Variants in FOCAD observed in about 807,000 individuals in gnomAD.
FOCAD encodes KIAA1797.
Under a neutral mutation model 225.6 loss-of-function variants are expected in FOCAD, and 198 were observed. That is an observed-to-expected ratio of 0.88 (90% CI 0.78 to 0.99). FOCAD has a LOEUF of 0.99. Ranked by LOEUF, FOCAD falls within the 50% of genes least tolerant of loss-of-function variation. The probability of loss-of-function intolerance (pLI) is 0.00; values close to 1 mark genes in which losing one functional copy is unlikely to be tolerated. For synonymous variants in FOCAD, 897 were observed against 755.0 expected (o/e 1.19, Z -3.08); for missense variants, 2,713 against 2,123.6 (o/e 1.28, Z -5.46).
intron 35 of FOCAD, among the ~76,000 whole-genome samples, 184 bp downstream of exon 35, chr9:20,953,249 A>G (rs1045419417): frequency 6.6e-6 from 1 of 152,232 alleles, no homozygotes; most frequent in African/African-American, 2.4e-5. Flanking sequence ...TTGGTACGTA[A>G]ATATACACAT....
intron 15 of FOCAD, among the ~76,000 whole-genome samples, chr9:20,838,200 T>G (rs1331832727): frequency 6.6e-6 from 1 of 152,144 alleles, no homozygotes; most frequent in Non-Finnish European, 1.5e-5. Context: ...GAGGTCATTC[T>G]AAAGCCTTTT....
rs548755302 is a variant in FOCAD at position 20,819,980 on chromosome 9, T to C, written c.1560+80T>C. ...TGAATTCTTTTTGGTATTATGAAATTTTAAGCCCTAAATTTTGCCATAGTC... is the reference window on the plus strand; with the variant it reads ...TGAATTCTTTTTGGTATTATGAAATCTTAAGCCCTAAATTTTGCCATAGTC... On this transcript the variant is annotated intron_variant, in intron 12 of 43. Coordinates refer to ENST00000338382, the MANE Select transcript of FOCAD (RefSeq NM_001375567.1). The C allele has an allele frequency of 9.6e-5, 85 of 888,972 alleles. 1 individual carries two copies. In the African/African-American group the frequency reaches 1.4e-3, roughly 14 times the overall value. 55.1% of individuals were successfully genotyped at this position (888,972 alleles called of 1,614,324 possible). A position where few individuals can be genotyped will look rare whatever the true frequency, so the allele number is the denominator to read the frequency against.
chr9:20,946,228 C>T (rs535804630), intron 29 of FOCAD, among the ~76,000 whole-genome samples: 5 of 152,088 alleles, frequency 3.3e-5, no homozygotes, highest in Non-Finnish European at 5.9e-5. Context: ...AGTTATGCTC[C>T]ACTACTTCTC....
chr9:20,665,447 A>G (rs1821872487), intron 2 of FOCAD, among the ~76,000 whole-genome samples: 1 of 152,200 alleles, frequency 6.6e-6, no homozygotes, highest in Non-Finnish European at 1.5e-5. Flanking sequence ...TCATTCTATA[A>G]TAAAAAGATT....
intron 41 of FOCAD, 29 bp from the exon 42 acceptor site, chr9:20,990,094 A>ACC: frequency 6.2e-7 from 1 of 1,612,528 alleles, no homozygotes; most frequent in Non-Finnish European, 8.5e-7. Context: ...AAAAAATATG[A>ACC]CCTAACGTCA....
intron 10 of FOCAD, 152 bp downstream of exon 10, chr9:20,782,081 T>C: frequency 3.0e-6 from 2 of 663,990 alleles, no homozygotes. Context: ...CATATTCTTC[T>C]GGACTATAAG....
At chr9:20,990,982 C>T (rs1356440366) in intron 42 of FOCAD, among the ~76,000 whole-genome samples, 1 of 152,134 alleles carries the variant, frequency 6.6e-6, no homozygotes, top group Admixed American at 6.5e-5. Context: ...CCCTTGCCCT[C>T]AGGAAAACCT....
intron 5 of FOCAD, among the ~76,000 whole-genome samples, chr9:20,744,938 C>G (rs993159567): frequency 6.6e-6 from 1 of 152,130 alleles, no homozygotes; most frequent in Non-Finnish European, 1.5e-5. Flanking sequence ...GTACTATTTT[C>G]AAGAATTTCA....
intron 41 of FOCAD, among the ~76,000 whole-genome samples, chr9:20,989,033 G>T (rs1003832182): frequency 6.6e-6 from 1 of 152,184 alleles, no homozygotes; most frequent in African/African-American, 2.4e-5. Flanking sequence ...AAAAATAAAA[G>T]ATTAATAAGA....
At chr9:20,973,171 C>T (rs760197316) in intron 35 of FOCAD, among the ~76,000 whole-genome samples, 1 of 151,856 alleles carries the variant, frequency 6.6e-6, no homozygotes, top group Non-Finnish European at 1.5e-5. Flanking sequence ...CTCCTTTCTG[C>T]AGCTATTTAA....
intron 1 of FOCAD, among the ~76,000 whole-genome samples, chr9:20,699,933 A>C (rs1409557077): frequency 6.6e-6 from 1 of 150,616 alleles, no homozygotes; most frequent in Non-Finnish European, 1.5e-5. Context: ...GTACTCTGTC[A>C]ATTGGATGTC....
chr9:20,688,409 A>G (rs1822788793), intron 1 of FOCAD, among the ~76,000 whole-genome samples: 1 of 152,210 alleles, frequency 6.6e-6, no homozygotes, highest in Non-Finnish European at 1.5e-5. Flanking sequence ...TTGCCGAGAT[A>G]GGAATCACAT....
chr9:20,700,600 T>G (rs1357101686), intron 1 of FOCAD, among the ~76,000 whole-genome samples: 1 of 152,162 alleles, frequency 6.6e-6, no homozygotes, highest in Non-Finnish European at 1.5e-5. Flanking sequence ...CCTAAATGTG[T>G]TGGTTACTAA....
chr9:20,810,752 G>A (rs2131348889), intron 11 of FOCAD, among the ~76,000 whole-genome samples: 1 of 152,138 alleles, frequency 6.6e-6, no homozygotes, highest in African/African-American at 2.4e-5. Context: ...GATGGCTAAT[G>A]AGACTCACCT....
chr9:20,688,633 A>G (rs1476842259), intron 1 of FOCAD, among the ~76,000 whole-genome samples: 1 of 148,382 alleles, frequency 6.7e-6, no homozygotes, highest in Non-Finnish European at 1.5e-5. Flanking sequence ...GTAGAATAAG[A>G]AAGAATAAAG....
At chr9:20,873,761 A>G (rs1034615047) in intron 18 of FOCAD, 1 of 152,150 alleles carries the variant, frequency 6.6e-6, no homozygotes, top group Non-Finnish European at 1.5e-5. Flanking sequence ...CCTAAATGGA[A>G]CAGTGCTTTG....
intron 1 of FOCAD, among the ~76,000 whole-genome samples, chr9:20,713,957 C>G (rs562119459): frequency 4.1e-4 from 62 of 152,192 alleles, no homozygotes; most frequent in Non-Finnish European, 6.9e-4. Flanking sequence ...AATCTTAGAA[C>G]AAGTTGTTTT....
chr9:20,986,607 A>G (rs950135418), intron 40 of FOCAD, 142 bp downstream of exon 40: 2 of 614,346 alleles, frequency 3.3e-6, no homozygotes, highest in East Asian at 3.3e-5. Context: ...AATGAGGAGT[A>G]ACTTGGATAG....
intron 28 of FOCAD, 127 bp from the exon 29 acceptor site, chr9:20,944,500 T>G: frequency 1.0e-6 from 1 of 991,968 alleles, no homozygotes; most frequent in Non-Finnish European, 1.5e-6. Flanking sequence ...CACCATCTAC[T>G]AGGCAGCAGA....
Sources: allele counts gnomAD v4.1 joint callset (sites outside exome capture counted in the v4.1 genomes callset), GRCh38; gene constraint gnomAD v4.1.1; transcripts MANE v1.5; gene names NCBI Gene and HGNC (gene_info 2026-07-23, HGNC 2026-07-21).